The following ZFP28 variants were observed in gnomAD, a reference collection of about 807,000 sequenced individuals.
The protein encoded by ZFP28 is zinc finger protein 28 homolog.
ZFP28 carries 31 observed loss-of-function variants against 39.5 expected under a neutral mutation model. That is an observed-to-expected ratio of 0.79 (90% CI 0.59 to 1.06). The LOEUF (loss-of-function observed/expected upper bound fraction) is 1.06. ZFP28 is among the 50% of genes least tolerant of loss of function. ZFP28 has a pLI of 0.00. For missense variants in ZFP28, 925 were observed against 1,048.4 expected (o/e 0.88, Z 1.63); for synonymous variants, 400 against 378.6 (o/e 1.06, Z -0.66).
Position 56,550,200 on chromosome 19 carries a change from C to A in ZFP28, c.802+19C>A. On this transcript the variant is annotated intron_variant, in intron 6 of 7. Transcript: ENST00000301318. ...TCAGCAGGTAAGGATGTCCCTCTCCCATATTTGAATCTATCGTCGGGTACC... is the reference window on the plus strand; with the variant it reads ...TCAGCAGGTAAGGATGTCCCTCTCCAATATTTGAATCTATCGTCGGGTACC... The A allele has an allele frequency of 1.3e-6, 2 of 1,590,520 alleles. No homozygotes were observed. The highest frequency in any genetic ancestry group is 1.1e-5 in the South Asian group (1 of 87,734).
Position 56,550,624 on chromosome 19 carries a change from G to A in ZFP28, c.898+19G>A. 1 of 1,613,486 alleles carries A rather than the reference G, an allele frequency of 6.2e-7. No individual in the cohort carries two copies. Among genetic ancestry groups the A allele is most frequent in the Non-Finnish European group, 8.5e-7 (1 of 1,179,470 alleles). On this transcript the variant is annotated intron_variant, in intron 7 of 7. Coordinates refer to ENST00000301318, the MANE Select transcript of ZFP28 (RefSeq NM_020828.2). The stretch of plus-strand genomic sequence containing the variant: ...TTCTCAGGTGAGTGCAGGAGAGCCT[G>A]GTGTGGAAAATCTACTGCAAGAGAG...
intron 7 of ZFP28, chr19:56,551,734 C>A (rs2044305625): frequency 2.0e-6 from 2 of 983,662 alleles, no homozygotes; most frequent in East Asian, 1.1e-4. Flanking sequence ...TAAAATTATT[C>A]TTTTTTTATG....
intron 2 of ZFP28, among the ~76,000 whole-genome samples, chr19:56,540,341 G>A (rs141310190): frequency 9.8e-5 from 15 of 152,296 alleles, no homozygotes; most frequent in African/African-American, 2.9e-4. Context: ...GAGAGGAGGC[G>A]CAATATGAAA....
chr19:56,550,703 T>C (rs73055329), intron 7 of ZFP28, 98 bp downstream of exon 7: 89,444 of 1,591,084 alleles, frequency 0.056, 2,820 homozygotes, highest in South Asian at 0.073. Context: ...GTAGGAAACT[T>C]TACCCAGGGT....
intron 2 of ZFP28, among the ~76,000 whole-genome samples, chr19:56,545,211 C>G (rs917618535): frequency 3.3e-5 from 5 of 152,192 alleles, no homozygotes; most frequent in Non-Finnish European, 5.9e-5. Flanking sequence ...GCCTTTCAGT[C>G]CCCAGCTTAG....
upstream of ZFP28, chr19:56,538,898 T>C: frequency 1.2e-6 from 1 of 813,718 alleles, no homozygotes; most frequent in Non-Finnish European, 1.5e-6. Flanking sequence ...CGCGGCCCAG[T>C]GGATGCCGGG....
upstream of ZFP28, among the ~76,000 whole-genome samples, chr19:56,537,248 G>A (rs750505145): frequency 3.3e-5 from 5 of 152,186 alleles, no homozygotes; most frequent in Admixed American, 6.5e-5. Flanking sequence ...CCAGTGGAAT[G>A]TTGAGTTGGC....
At chr19:56,538,856 GGGGCGCGGCC>G (rs2044163059), upstream of ZFP28, 1 of 333,164 alleles carries the variant, frequency 3.0e-6, no homozygotes, top group Admixed American at 6.1e-5. Context: ...GGGGAGGGGC[GGGGCGCGGCC>G]GGGGGCGGGG....
chr19:56,553,944 G>A lies in ZFP28; in HGVS notation c.1159G>A (p.Asp387Asn), dbSNP rs145570067. 1.6e-5 allele frequency: 26 copies of A among 1,613,006 alleles called. No individual in the cohort carries two copies. The African/African-American group carries it at 1.7e-4, about 11-fold the overall frequency. The part of the protein sequence containing the change: ...NKSGRWFYLD[D>N]SEEKVHNRDS... ...ATCTGGAAGATGGTTCTATTTGGAC[G>A]ATTCAGAAGAGAAAGTTCATAATCG... is the stretch of plus-strand genomic sequence containing the variant. The change falls in exon 8 of 8, where the codon GAT becomes AAT. Residue 387 changes from aspartate to asparagine, a missense_variant. Coordinates refer to ENST00000301318, the MANE Select transcript of ZFP28 (RefSeq NM_020828.2).
chr19:56,547,258 C>T lies in ZFP28; in HGVS notation c.301-250C>T, dbSNP rs139561657. 6.9e-5 allele frequency: 33 copies of T among 480,354 alleles called. 1 individual carries two copies. Among genetic ancestry groups the T allele is most frequent in the African/African-American group, 4.2e-4 (21 of 49,980 alleles). 29.8% of individuals were successfully genotyped at this position (480,354 alleles called of 1,614,324 possible). On this transcript the variant is annotated intron_variant, in intron 2 of 7. Coordinates refer to ENST00000301318, the MANE Select transcript of ZFP28 (RefSeq NM_020828.2). This position sits in a 1 kb window ranked among gnomAD's most constrained non-coding sequence, Gnocchi z 4.6. Reference sequence around the variant, plus strand: ...TGGTCTTTTCCCTGTGCCTGCACACCGTGGTATCTCTTCCTGTTTTAATAA... The same window carrying T: ...TGGTCTTTTCCCTGTGCCTGCACACTGTGGTATCTCTTCCTGTTTTAATAA...
chr19:56,554,903 T>C lies in ZFP28; in HGVS notation c.2118T>C (p.Cys706=), dbSNP rs2044337094. ...AGAAACCCTATAAATGTATGGAATG[T>C]GGGAAGGCCTTTGGTGATAACTCAT... The part of the protein sequence containing the change: ...TGEKPYKCME[C]GKAFGDNSSC... Residue 706 remains cysteine, a synonymous_variant, in exon 8 of 8, where the codon TGT becomes TGC. Transcript: ENST00000301318. The surrounding 1 kb of genome is among the most constrained non-coding windows in gnomAD (Gnocchi z 6.7). 6.2e-7 allele frequency: 1 copy of C among 1,614,160 alleles called. No individual in the cohort carries two copies. Among genetic ancestry groups the C allele is most frequent in the Non-Finnish European group, 8.5e-7 (1 of 1,180,014 alleles).
At position 56,550,140 on chromosome 19, in the gene ZFP28, A is replaced by G. The variant is rs1425554966; in HGVS notation, c.761A>G (p.Lys254Arg). 3 of 1,613,088 alleles carry G rather than the reference A, an allele frequency of 1.9e-6. No individual in the cohort carries two copies. Among genetic ancestry groups the G allele is most frequent in the Admixed American group, 1.7e-5 (1 of 59,934 alleles). Residue 254 changes from lysine to arginine, a missense_variant, in exon 6 of 8, where the codon AAG becomes AGG. Coordinates refer to ENST00000301318, the MANE Select transcript of ZFP28 (RefSeq NM_020828.2). Reference protein sequence around the residue: ...QLHPAQKNFCKNGIWENNSDL... With the variant: ...QLHPAQKNFCRNGIWENNSDL... ...CACCCAGCTCAGAAGAATTTCTGTA[A>G]GAATGGGATATGGGAGAACAACAGT...
chr19:56,552,979 G>C (rs1025790309), intron 7 of ZFP28: 1 of 152,146 alleles, frequency 6.6e-6, no homozygotes. Context: ...GTACAATTCA[G>C]TGACAGTATA....
At chr19:56,545,299 T>A (rs1224193960) in intron 2 of ZFP28, among the ~76,000 whole-genome samples, 1 of 152,218 alleles carries the variant, frequency 6.6e-6, no homozygotes, top group Non-Finnish European at 1.5e-5. Context: ...GCAGTTGATA[T>A]TCACTCAAAT....
At position 56,547,472 on chromosome 19, in the gene ZFP28, C is replaced by T. The variant is rs377767112; in HGVS notation, c.301-36C>T. On this transcript the variant is annotated intron_variant, in intron 2 of 7. Transcript: ENST00000301318. This position sits in a 1 kb window ranked among gnomAD's most constrained non-coding sequence, Gnocchi z 4.6. ...ACCCCCAGTCATGTGGGGGCATGAG[C>T]ACTGGTTGAGCAAGAACATGGTTAT... The T allele has an allele frequency of 1.9e-6, 3 of 1,613,910 alleles. No homozygotes were observed. The highest frequency in any genetic ancestry group is 2.5e-6 in the Non-Finnish European group (3 of 1,179,960).
At position 56,549,399 on chromosome 19, in the gene ZFP28, C is replaced by T. The variant is rs560256762; in HGVS notation, c.687+278C>T. Among the ~76,000 whole-genome samples the T allele has an allele frequency of 3.9e-5, 6 of 152,074 alleles. No individual in the cohort carries two copies. In the South Asian group the frequency reaches 1.2e-3, roughly 32 times the overall value. On this transcript the variant is annotated intron_variant, in intron 5 of 7. Coordinates refer to ENST00000301318, the MANE Select transcript of ZFP28 (RefSeq NM_020828.2). ...ATGTAAGAAAGCTTTGAGCAGAGGC[C>T]AGGCGCGGTGGCTCACGCCTGTAAT... is the stretch of plus-strand genomic sequence containing the variant.
chr19:56,539,505 G>C (rs1415683169), intron 1 of ZFP28, 120 bp from the exon 2 acceptor site: 4 of 852,056 alleles, frequency 4.7e-6, no homozygotes, highest in Non-Finnish European at 7.3e-6. Flanking sequence ...CCACGTTGTG[G>C]CAGTCCCTAG....
chr19:56,545,518 T>C (rs2044234026), intron 2 of ZFP28: 1 of 152,164 alleles, frequency 6.6e-6, no homozygotes, highest in Non-Finnish European at 1.5e-5. Flanking sequence ...AAGTGAGGTA[T>C]TTAAATTAGG....
chr19:56,539,751 C>A (rs1207938037), intron 2 of ZFP28, 35 bp downstream of exon 2: 6 of 1,591,820 alleles, frequency 3.8e-6, no homozygotes, highest in Non-Finnish European at 5.2e-6. Context: ...CTCTGAAATG[C>A]AGTCTTGCTT....
Sources: allele counts gnomAD v4.1 joint callset (sites outside exome capture counted in the v4.1 genomes callset), GRCh38; gene constraint gnomAD v4.1.1; non-coding constraint Gnocchi (gnomAD v3.1); transcripts MANE v1.5; gene names NCBI Gene and HGNC (gene_info 2026-07-23, HGNC 2026-07-21).